The following SAMD9 variants were observed in gnomAD, a reference collection of about 807,000 sequenced individuals.
The protein encoded by SAMD9 is sterile alpha motif domain containing 9, also known as sterile alpha motif domain-containing protein 9.
In SAMD9, 3 loss-of-function variants were observed where a neutral mutation model predicts 1.5. The observed-to-expected ratio is 2.05, with a 90% CI of 0.93 to 5.29. SAMD9 has a LOEUF of 5.29. SAMD9 is among the 30% of genes most tolerant of loss of function. The probability of loss-of-function intolerance (pLI) is 0.02; values close to 1 mark genes in which losing one functional copy is unlikely to be tolerated. For synonymous variants in SAMD9, 635 were observed against 631.9 expected, an observed-to-expected ratio of 1.00 and a Z score of -0.07; for missense variants, 1,597 against 1,820.8, an observed-to-expected ratio of 0.88 and a Z score of 2.24.
At chr7:93,113,029 C>T (rs959179971) in intron 2 of SAMD9, among the ~76,000 whole-genome samples, 2 of 152,192 alleles carry the variant, frequency 1.3e-5, no homozygotes, top group African/African-American at 4.8e-5. Context: ...AAGCTGGAGG[C>T]ATCATGCTAC....
rs369720860 is a variant in SAMD9, at chr7:93,116,931, A to T, written c.-110+932T>A. On this transcript the variant is annotated intron_variant, in intron 1 of 2. Transcript: ENST00000379958. Reference sequence around the variant, plus strand: ...TGTAGGGTTTGTTAACTTTTCTAGAAGGGAGTTGAAGGTCAGACCTTTATT... The same window carrying T: ...TGTAGGGTTTGTTAACTTTTCTAGATGGGAGTTGAAGGTCAGACCTTTATT... Among the ~76,000 whole-genome samples, 6 of 152,304 alleles carry T rather than the reference A, an allele frequency of 3.9e-5. No individual in the cohort carries two copies. In the South Asian group the frequency reaches 1.2e-3, roughly 32 times the overall value.
rs1791494161 is a variant in SAMD9, at chr7:93,099,607, GA to G, written c.*1720del. 1 of 152,154 alleles carries G rather than the reference GA, an allele frequency of 6.6e-6. No homozygotes were observed. Among genetic ancestry groups the G allele is most frequent in the African/African-American group, 2.4e-5 (1 of 41,450 alleles). The allele number at this position is 152,154 out of a possible 1,614,324, so 9.4% of individuals were successfully genotyped here. A position where few individuals can be genotyped will look rare whatever the true frequency, so the allele number is the denominator to read the frequency against. On this transcript the variant is annotated 3_prime_UTR_variant, in exon 3 of 3. Coordinates refer to ENST00000379958, the MANE Select transcript of SAMD9 (RefSeq NM_017654.4). ...GTTAAAATTTTATGCAGAAGCAAGG[GA>G]AAATCTTCCTCCAGTGAAAAAATTC...
chr7:93,101,909 A>G lies in SAMD9; in HGVS notation c.4189T>C (p.Cys1397Arg), dbSNP rs201179431. Reference protein sequence around the residue: ...NFILANIILSCIQPTSRLVKP... With the variant: ...NFILANIILSRIQPTSRLVKP... ...ACTAATCTGGAGGTAGGTTGGATAC[A>G]GGAGAGAATAATGTTGGCCAAGATG... is the stretch of plus-strand genomic sequence containing the variant. The change falls in exon 3 of 3, where the codon TGT (cysteine) becomes CGT (arginine). Residue 1397 changes from cysteine (C) to arginine (R), a missense_variant. Coordinates refer to ENST00000379958, the MANE Select transcript of SAMD9 (RefSeq NM_017654.4). 1 of 1,613,900 alleles carries G rather than the reference A, an allele frequency of 6.2e-7. No individual in the cohort carries two copies. The highest frequency in any genetic ancestry group is 1.7e-5 in the Admixed American group (1 of 60,010).
chr7:93,101,735 CTT>C lies in SAMD9; in HGVS notation c.4361_4362del (p.Lys1454ArgfsTer15). 1 of 1,613,828 alleles carries C rather than the reference CTT, an allele frequency of 6.2e-7. No homozygotes were observed. Among genetic ancestry groups the C allele is most frequent in the South Asian group, 1.1e-5 (1 of 91,082 alleles). ...QQLDQHSEQM[K>X]EYAQALKNSF... ...GAATTTTTTAGTGCTTGAGCATACT[CTT>C]TCATTTGTTCAGAATGTTGATCTAG... On this transcript the variant is annotated frameshift_variant, in exon 3 of 3. Transcript: ENST00000379958. LOFTEE classifies it low-confidence loss of function (END_TRUNC).
chr7:93,114,363 G>A (rs1354002229), intron 2 of SAMD9, among the ~76,000 whole-genome samples: 1 of 151,856 alleles, frequency 6.6e-6, no homozygotes, highest in Admixed American at 6.6e-5. Flanking sequence ...ACAAGTTAAT[G>A]GGTGCAGCAC....
chr7:93,106,017 C>T lies in SAMD9; in HGVS notation c.81G>A (p.Lys27=), dbSNP rs759617299. The T allele has an allele frequency of 6.3e-7, 1 of 1,594,576 alleles. No homozygotes were observed. Among genetic ancestry groups the T allele is most frequent in the Non-Finnish European group, 8.5e-7 (1 of 1,173,832 alleles). ...AAATTTCCCTGTGTTTTTGGTCAAT[C>T]TTATGACTTTCTAACCACTGATTTA... ...EDVNQWLESH[K]IDQKHREILT... is the part of the protein sequence containing the mutation. Residue 27 remains lysine, a synonymous_variant, in exon 3 of 3, where the codon AAG becomes AAA. Coordinates refer to ENST00000379958, the MANE Select transcript of SAMD9 (RefSeq NM_017654.4).
At position 93,105,043 on chromosome 7, in the gene SAMD9, A is replaced by G. The variant is rs1584254441; in HGVS notation, c.1055T>C (p.Ile352Thr). 1 of 1,613,832 alleles carries G rather than the reference A, an allele frequency of 6.2e-7. No individual in the cohort carries two copies. ...FVRDGTSSKD[I>T]TKNKVDFRAF... is the part of the protein sequence containing the mutation. ...TCTGAAATCAACTTTATTTTTCGTA[A>G]TGTCCTTAGAGCTGGTCCCATCTCG... Residue 352 changes from isoleucine to threonine, a missense_variant, in exon 3 of 3, where the codon ATT becomes ACT. By Grantham distance (89) the Ile-to-Thr change is moderately conservative. Transcript: ENST00000379958.
intron 1 of SAMD9, among the ~76,000 whole-genome samples, chr7:93,116,198 A>T (rs1298546747): frequency 6.6e-6 from 1 of 152,146 alleles, no homozygotes; most frequent in Non-Finnish European, 1.5e-5. Context: ...TTACAGACAC[A>T]GTCCTTAGTC....
rs762239151 is a variant in SAMD9 at position 93,112,041 on chromosome 7, G to A, written c.-9+2754C>T. Among the ~76,000 whole-genome samples, 62 of 152,210 alleles carry A rather than the reference G, an allele frequency of 4.1e-4. 1 individual carries two copies. Among genetic ancestry groups the A allele is most frequent in the Non-Finnish European group, 5.1e-4 (35 of 68,016 alleles). On this transcript the variant is annotated intron_variant, in intron 2 of 2. Coordinates refer to ENST00000379958, the MANE Select transcript of SAMD9 (RefSeq NM_017654.4). ...TAGACCAATATCCCTGATGAACATCGATGCAAAAATCCCAATAAAATATTG... is the reference window on the plus strand; with the variant it reads ...TAGACCAATATCCCTGATGAACATCAATGCAAAAATCCCAATAAAATATTG...
At chr7:93,108,067 G>A (rs1412546212) in intron 2 of SAMD9, among the ~76,000 whole-genome samples, 2 of 152,186 alleles carry the variant, frequency 1.3e-5, no homozygotes, top group African/African-American at 4.8e-5. Context: ...AAGGAACAAT[G>A]TCTACAATAC....
intron 2 of SAMD9, among the ~76,000 whole-genome samples, chr7:93,112,302 A>C (rs1178324568): frequency 1.3e-5 from 2 of 152,222 alleles, no homozygotes; most frequent in African/African-American, 4.8e-5. Flanking sequence ...GATGGGACAT[A>C]TCTCAAAATA....
Position 93,101,762 on chromosome 7 carries a change from G to C in SAMD9, c.4336C>G (p.Leu1446Val). The C allele has an allele frequency of 6.2e-7, 1 of 1,613,686 alleles. No homozygotes were observed. The highest frequency in any genetic ancestry group is 1.1e-5 in the South Asian group (1 of 91,076). ...SLLFWPENQQ[L>V]DQHSEQMKEY... is the part of the protein sequence containing the mutation. ...TTCATTTGTTCAGAATGTTGATCTAGTTGTTGATTTTCTGGCCAGAATAAG... is the reference window on the plus strand; with the variant it reads ...TTCATTTGTTCAGAATGTTGATCTACTTGTTGATTTTCTGGCCAGAATAAG... The change falls in exon 3 of 3, where the codon CTA (leucine) becomes GTA (valine). Residue 1446 changes from leucine (L) to valine (V), a missense_variant. This residue lies in a region of SAMD9 where 682 missense variants were observed against 810.0 expected (regional missense o/e 0.84). Coordinates refer to ENST00000379958, the MANE Select transcript of SAMD9 (RefSeq NM_017654.4).
chr7:93,109,294 T>C (rs558264398), intron 2 of SAMD9, among the ~76,000 whole-genome samples: 3 of 152,238 alleles, frequency 2.0e-5, no homozygotes, highest in African/African-American at 7.2e-5. Context: ...CAAAACCCCA[T>C]CTGTACGTCA....
In SAMD9 at chr7:93,102,669, G is replaced by T; in HGVS notation, c.3429C>A (p.Asn1143Lys). 1 of 1,613,880 alleles carries T rather than the reference G, an allele frequency of 6.2e-7. No homozygotes were observed. Among genetic ancestry groups the T allele is most frequent in the South Asian group, 1.1e-5 (1 of 91,080 alleles). The change falls in exon 3 of 3, where the codon AAC (asparagine) becomes AAA (lysine). Residue 1143 changes from asparagine (N) to lysine (K), a missense_variant. Around this residue, in one of 6 missense-constraint regions of SAMD9, gnomAD observed 682 missense variants for 810.0 expected, o/e 0.84. Transcript: ENST00000379958. The part of the protein sequence containing the change: ...WWIEENGGNG[N>K]ISVDDLIALL... ...GAGCAATTAGATCATCAACTGAAAT[G>T]TTCCCGTTTCCTCCGTTTTCCTCTA...
Position 93,101,784 on chromosome 7 carries a change from T to C in SAMD9, c.4314A>G (p.Leu1438=). 1 of 1,613,844 alleles carries C rather than the reference T, an allele frequency of 6.2e-7. No homozygotes were observed. The change falls in exon 3 of 3, where the codon TTA becomes TTG. Residue 1438 remains leucine, a synonymous_variant. Coordinates refer to ENST00000379958, the MANE Select transcript of SAMD9 (RefSeq NM_017654.4). The part of the protein sequence containing the change: ...FSEPYFLASL[L]FWPENQQLDQ... ...CTAGTTGTTGATTTTCTGGCCAGAA[T>C]AAGAGGGAAGCTAGAAAATACGGTT...
rs1278826494 is a variant in SAMD9 at position 93,099,518 on chromosome 7, T to TAATATAC, written c.*1803_*1809dup. 6.6e-6 allele frequency: 1 copy of TAATATAC among 152,198 alleles called. No individual in the cohort carries two copies. Among genetic ancestry groups the TAATATAC allele is most frequent in the African/African-American group, 2.4e-5 (1 of 41,452 alleles). 9.4% of individuals were successfully genotyped at this position (152,198 alleles called of 1,614,324 possible). A position where few individuals can be genotyped will look rare whatever the true frequency, so the allele number is the denominator to read the frequency against. The stretch of plus-strand genomic sequence containing the variant: ...AAAACATCAGGCTGAACGCCATAAA[T>TAATATAC]AATATACAATTTTTATTTGTCAATT... On this transcript the variant is annotated 3_prime_UTR_variant, in exon 3 of 3. Transcript: ENST00000379958.
chr7:93,105,724 G>A lies in SAMD9; in HGVS notation c.374C>T (p.Pro125Leu), dbSNP rs144391563. Reference protein sequence around the residue: ...KGKENPDMANPSAMSTTAKGS... With the variant: ...KGKENPDMANLSAMSTTAKGS... ...TTTAGCAGTTGTACTCATTGCAGAC[G>A]GATTAGCCATATCTGGGTTCTCTTT... is the stretch of plus-strand genomic sequence containing the variant. The change falls in exon 3 of 3, where the codon CCG becomes CTG. Residue 125 changes from proline to leucine, a missense_variant. This residue lies in a region of SAMD9 where 498 missense variants were observed against 457.4 expected (regional missense o/e 1.09). Coordinates refer to ENST00000379958, the MANE Select transcript of SAMD9 (RefSeq NM_017654.4). 13 of 1,613,958 alleles carry A rather than the reference G, an allele frequency of 8.1e-6. No individual in the cohort carries two copies. Among genetic ancestry groups the A allele is most frequent in the Middle Eastern group, 1.6e-4 (1 of 6,062 alleles).
chr7:93,114,102 T>C (rs1040246981), intron 2 of SAMD9, among the ~76,000 whole-genome samples: 8 of 152,034 alleles, frequency 5.3e-5, no homozygotes, highest in African/African-American at 1.9e-4. Context: ...ATATACACCA[T>C]GGAATACTAT....
At chr7:93,107,846 A>G (rs554826920) in intron 2 of SAMD9, among the ~76,000 whole-genome samples, 1 of 152,352 alleles carries the variant, frequency 6.6e-6, no homozygotes, top group African/African-American at 2.4e-5. Flanking sequence ...AAGATAGGCA[A>G]TATCTTAGTT....
Sources: allele counts gnomAD v4.1 joint callset (sites outside exome capture counted in the v4.1 genomes callset), GRCh38; gene constraint gnomAD v4.1.1; regional missense constraint gnomAD v4.1.1; transcripts MANE v1.5; gene names NCBI Gene and HGNC (gene_info 2026-07-23, HGNC 2026-07-21).